The following PHF21B variants were observed in gnomAD, a reference collection of about 807,000 sequenced individuals.
The protein encoded by PHF21B is PHD finger protein 4.
Under a neutral mutation model 62.2 loss-of-function variants are expected in PHF21B, and 22 were observed. The ratio of observed to expected loss-of-function variants is 0.35; its 90% CI spans 0.25 to 0.51. The LOEUF (loss-of-function observed/expected upper bound fraction) is 0.51. Among genes scored for constraint, PHF21B ranks in the 20% least tolerant of loss-of-function variants. PHF21B has a pLI of 0.97. For missense variants in PHF21B, 701 were observed against 707.9 expected, an observed-to-expected ratio of 0.99 and a Z score of 0.11; for synonymous variants, 341 against 314.7, an observed-to-expected ratio of 1.08 and a Z score of -0.88.
chr22:44,896,883 T>TTTTTTTTTTTTTTTTTTTTTTTTTTTTTG (rs1555933178), intron 5 of PHF21B, among the ~76,000 whole-genome samples: 1 of 132,322 alleles, frequency 7.6e-6, no homozygotes, highest in Non-Finnish European at 1.6e-5. Flanking sequence ...TTTATCTGTT[T>TTTTTTTTTTTTTTTTTTTTTTTTTTTTTG]TTTTTTTTTT....
In PHF21B at chr22:44,916,623, G is replaced by C; in HGVS notation, c.221C>G (p.Pro74Arg). Residue 74 changes from proline to arginine, a missense_variant, in exon 4 of 13, where the codon CCA (proline) becomes CGA (arginine). By Grantham distance (103) the Pro-to-Arg change is moderately radical. Transcript: ENST00000313237. ...GAGGCTGTCTGGAATCAGAGTCTTTGGCCTAACCTGGGAAGAAGGGACAGG... is the reference window on the plus strand; with the variant it reads ...GAGGCTGTCTGGAATCAGAGTCTTTCGCCTAACCTGGGAAGAAGGGACAGG... Reference protein sequence around the residue: ...QGAAVLPQVRPKTLIPDSLPV... With the variant: ...QGAAVLPQVRRKTLIPDSLPV... 1 of 1,601,120 alleles carries C rather than the reference G, an allele frequency of 6.2e-7. No homozygotes were observed. Among genetic ancestry groups the C allele is most frequent in the Non-Finnish European group, 8.5e-7 (1 of 1,179,890 alleles).
At chr22:44,884,269 TCAC>T (rs1285584185) in intron 12 of PHF21B, among the ~76,000 whole-genome samples, 1 of 110,330 alleles carries the variant, frequency 9.1e-6, no homozygotes, top group African/African-American at 4.0e-5. Flanking sequence ...ACTACCACCA[TCAC>T]CACCACCATG....
chr22:44,961,204 C>T (rs2072412904), intron 2 of PHF21B, among the ~76,000 whole-genome samples: 2 of 152,084 alleles, frequency 1.3e-5, no homozygotes, highest in Non-Finnish European at 2.9e-5. Flanking sequence ...ATCCACCTGC[C>T]TCAGCCTCCC....
At chr22:44,893,433 G>A in intron 7 of PHF21B, 24 bp downstream of exon 7, 3 of 1,578,330 alleles carry the variant, frequency 1.9e-6, no homozygotes, top group Admixed American at 1.8e-5. Flanking sequence ...CCTCCTGGTG[G>A]CATGGGGCTG....
At chr22:45,006,726 G>A (rs568552240) in intron 2 of PHF21B, among the ~76,000 whole-genome samples, 183 of 152,210 alleles carry the variant, frequency 1.2e-3, no homozygotes, top group Non-Finnish European at 1.3e-3. Flanking sequence ...TAGGTTATTG[G>A]ATTTTTTCTT....
chr22:44,886,008 C>T (rs1359159231), intron 10 of PHF21B, 70 bp from the exon 11 acceptor site: 7 of 1,459,280 alleles, frequency 4.8e-6, no homozygotes, highest in Non-Finnish European at 6.6e-6. Context: ...CACACCCTGG[C>T]TGTGTAACCC....
At chr22:44,889,260 G>C (rs969459244) in intron 9 of PHF21B, among the ~76,000 whole-genome samples, 4 of 151,824 alleles carry the variant, frequency 2.6e-5, no homozygotes, top group African/African-American at 9.7e-5. Context: ...TCAGGGATGT[G>C]GTGTGTGCAC....
At chr22:44,998,485 T>C (rs567709206) in intron 2 of PHF21B, among the ~76,000 whole-genome samples, 1 of 152,144 alleles carries the variant, frequency 6.6e-6, no homozygotes, top group Non-Finnish European at 1.5e-5. Context: ...GACCGGGGCC[T>C]CAGTTTCCCT....
chr22:44,998,281 A>T (rs1411987943), intron 2 of PHF21B, among the ~76,000 whole-genome samples: 2 of 152,226 alleles, frequency 1.3e-5, no homozygotes, highest in Admixed American at 1.3e-4. Context: ...AAATAAGGTC[A>T]TCCATGCAGG....
intron 2 of PHF21B, among the ~76,000 whole-genome samples, chr22:44,939,018 C>A (rs1176446909): frequency 6.6e-6 from 1 of 152,242 alleles, no homozygotes; most frequent in Non-Finnish European, 1.5e-5. Flanking sequence ...GGGCTGCACA[C>A]ACACGGCGCC....
chr22:44,981,066 G>C (rs2072833194), intron 2 of PHF21B, among the ~76,000 whole-genome samples: 1 of 152,230 alleles, frequency 6.6e-6, no homozygotes, highest in Non-Finnish European at 1.5e-5. Context: ...TGTCTGCAGA[G>C]ACTTAGGGTA....
At chr22:44,907,450 C>T (rs576278339) in intron 5 of PHF21B, among the ~76,000 whole-genome samples, 3 of 152,198 alleles carry the variant, frequency 2.0e-5, no homozygotes, top group Non-Finnish European at 2.9e-5. Flanking sequence ...CCGTGTTCAG[C>T]GTCCCGCACG....
chr22:44,998,642 C>A (rs2073160387), intron 2 of PHF21B, among the ~76,000 whole-genome samples: 1 of 152,218 alleles, frequency 6.6e-6, no homozygotes, highest in African/African-American at 2.4e-5. Context: ...AATCCCAGCT[C>A]TGGGTACACC....
intron 2 of PHF21B, among the ~76,000 whole-genome samples, chr22:44,961,523 T>C (rs1000456301): frequency 6.6e-6 from 1 of 152,180 alleles, no homozygotes; most frequent in African/African-American, 2.4e-5. Context: ...ATTGGTTTTC[T>C]GTTCCTGCTC....
At chr22:44,885,152 G>A (rs1247962506) in intron 12 of PHF21B, among the ~76,000 whole-genome samples, 1 of 152,244 alleles carries the variant, frequency 6.6e-6, no homozygotes, top group Non-Finnish European at 1.5e-5. Context: ...CCTTACAGGT[G>A]AACAGTGAAG....
chr22:44,907,399 C>A (rs904659248), intron 5 of PHF21B, among the ~76,000 whole-genome samples: 1 of 152,212 alleles, frequency 6.6e-6, no homozygotes, highest in Non-Finnish European at 1.5e-5. Context: ...AAAGGGGACA[C>A]GATCCCACCT....
chr22:44,932,884 C>T (rs890163536), intron 2 of PHF21B, among the ~76,000 whole-genome samples: 4 of 152,168 alleles, frequency 2.6e-5, no homozygotes, highest in African/African-American at 4.8e-5. Flanking sequence ...AGAGCTTAGG[C>T]CACAGCTCAC....
chr22:44,946,790 GC>G (rs1254543036), intron 2 of PHF21B, among the ~76,000 whole-genome samples: 3 of 152,166 alleles, frequency 2.0e-5, no homozygotes, highest in Admixed American at 6.5e-5. Context: ...CCCCACCCCA[GC>G]CCAAGGCCAT....
intron 5 of PHF21B, chr22:44,901,693 G>A (rs79568774): frequency 4.4e-6 from 2 of 453,720 alleles, no homozygotes; most frequent in South Asian, 4.2e-5. Context: ...AAAGCCCAAG[G>A]GGGAAGCCCC....
Sources: allele counts gnomAD v4.1 joint callset (sites outside exome capture counted in the v4.1 genomes callset), GRCh38; gene constraint gnomAD v4.1.1; transcripts MANE v1.5; gene names NCBI Gene and HGNC (gene_info 2026-07-23, HGNC 2026-07-21).